TM9SF4: variants seen among roughly 807,000 people sequenced by gnomAD.
TM9SF4 encodes the protein transmembrane 9 superfamily member 4, also known as dinucleotide oxidase disulfide thiol exchanger 3 superfamily member 4.
TM9SF4 carries 26 observed loss-of-function variants against 90.4 expected under a neutral mutation model. The observed-to-expected ratio is 0.29, with a 90% CI of 0.21 to 0.40. The LOEUF is 0.40. Among genes scored for constraint, TM9SF4 ranks in the 10% least tolerant of loss-of-function variants. The probability of loss-of-function intolerance (pLI) is 1.00; values close to 1 mark genes in which losing one functional copy is unlikely to be tolerated. For synonymous variants in TM9SF4, 293 were observed against 315.4 expected, an observed-to-expected ratio of 0.93 and a Z score of 0.75; for missense variants, 549 against 834.8, an observed-to-expected ratio of 0.66 and a Z score of 4.22.
intron 1 of TM9SF4, among the ~76,000 whole-genome samples, chr20:32,131,524 C>T (rs931814208): frequency 6.9e-6 from 1 of 145,880 alleles, no homozygotes; most frequent in African/African-American, 2.7e-5. Context: ...TAGTTGGTTG[C>T]TTGGTTGGTT....
intron 1 of TM9SF4, among the ~76,000 whole-genome samples, chr20:32,121,958 G>T (rs1379302276): frequency 6.8e-6 from 1 of 147,360 alleles, no homozygotes; most frequent in Non-Finnish European, 1.5e-5. Flanking sequence ...CTCCCGGACG[G>T]GGCGGCTGGC....
Position 32,165,586 on chromosome 20 carries a change from C to G in TM9SF4, c.*142C>G. The G allele has an allele frequency of 1.0e-6, 1 of 956,832 alleles. No individual in the cohort carries two copies. The highest frequency in any genetic ancestry group is 1.5e-6 in the Non-Finnish European group (1 of 645,390). The allele number at this position is 956,832 out of a possible 1,614,324, so 59.3% of individuals were successfully genotyped here. ...ACAGTGTTCCTGGATCCTGGGGCTGCGTGGGGGGCGGGAGGGCCTGTAGAT... is the reference window on the plus strand; with the variant it reads ...ACAGTGTTCCTGGATCCTGGGGCTGGGTGGGGGGCGGGAGGGCCTGTAGAT... On this transcript the variant is annotated 3_prime_UTR_variant, in exon 18 of 18. Coordinates refer to ENST00000398022, the MANE Select transcript of TM9SF4 (RefSeq NM_014742.4).
At position 32,146,875 on chromosome 20, in the gene TM9SF4, G is replaced by A; in HGVS notation, c.954+20G>A. 1 of 1,611,902 alleles carries A rather than the reference G, an allele frequency of 6.2e-7. No homozygotes were observed. The highest frequency in any genetic ancestry group is 8.5e-7 in the Non-Finnish European group (1 of 1,178,926). ...GACATTGTACGAGGTCTTGGCTGGGGAGGGATGAAGTTGGATGGGGAGGGG... is the reference window on the plus strand; with the variant it reads ...GACATTGTACGAGGTCTTGGCTGGGAAGGGATGAAGTTGGATGGGGAGGGG... On this transcript the variant is annotated intron_variant, in intron 9 of 17. Coordinates refer to ENST00000398022, the MANE Select transcript of TM9SF4 (RefSeq NM_014742.4).
chr20:32,130,631 C>T (rs1415170114), intron 1 of TM9SF4, among the ~76,000 whole-genome samples: 3 of 152,160 alleles, frequency 2.0e-5, no homozygotes, highest in Non-Finnish European at 2.9e-5. Flanking sequence ...GGTAGGCTTT[C>T]CATCACTACT....
At chr20:32,149,438 G>A (rs150635339) in intron 9 of TM9SF4, among the ~76,000 whole-genome samples, 196 bp from the exon 10 acceptor site, 36 of 152,232 alleles carry the variant, frequency 2.4e-4, no homozygotes, top group African/African-American at 7.5e-4. Context: ...TTCCTTTTAC[G>A]CATCTACAGG....
intron 1 of TM9SF4, among the ~76,000 whole-genome samples, chr20:32,123,866 A>ATATATATATATATATATTT: frequency 2.1e-5 from 2 of 93,980 alleles, no homozygotes; most frequent in East Asian, 7.3e-4. Flanking sequence ...ATATATATAT[A>ATATATATATATATATATTT]TTTTTTTTTT....
intron 15 of TM9SF4, 105 bp downstream of exon 15, chr20:32,158,619 A>T: frequency 8.9e-7 from 1 of 1,127,294 alleles, no homozygotes; most frequent in South Asian, 1.3e-5. Context: ...CAGATGGGCC[A>T]CTTCACCTCT....
chr20:32,122,333 G>A (rs1405226809), intron 1 of TM9SF4, among the ~76,000 whole-genome samples: 1 of 151,530 alleles, frequency 6.6e-6, no homozygotes, highest in South Asian at 2.1e-4. Flanking sequence ...CCCGGACGGG[G>A]TGGCTGCCGG....
intron 1 of TM9SF4, among the ~76,000 whole-genome samples, chr20:32,113,491 CTT>C (rs532345266): frequency 8.7e-4 from 132 of 152,252 alleles, no homozygotes; most frequent in African/African-American, 2.6e-3. Context: ...ATGTCTCACT[CTT>C]TATGGAAAAC....
intron 12 of TM9SF4, among the ~76,000 whole-genome samples, chr20:32,153,136 CTT>C (rs1389640576): frequency 6.6e-6 from 1 of 152,210 alleles, no homozygotes; most frequent in African/African-American, 2.4e-5. Context: ...TGGTTGATAA[CTT>C]TCAACAGCCC....
intron 12 of TM9SF4, among the ~76,000 whole-genome samples, chr20:32,151,907 G>T (rs1028378559): frequency 2.6e-5 from 4 of 151,568 alleles, no homozygotes; most frequent in African/African-American, 9.7e-5. Context: ...TGTTGCCCAG[G>T]CTGGAGTGCA....
chr20:32,123,289 G>C lies in TM9SF4; in HGVS notation c.16-9724G>C, dbSNP rs188393575. ...TTATGTTGGCAGTACTTCAGTAACAGTTCTACCTTCTATGTAAGTATATAT... is the reference window on the plus strand; with the variant it reads ...TTATGTTGGCAGTACTTCAGTAACACTTCTACCTTCTATGTAAGTATATAT... On this transcript the variant is annotated intron_variant, in intron 1 of 17. Transcript: ENST00000398022. Among the ~76,000 whole-genome samples, 41 of 143,342 alleles carry C rather than the reference G, an allele frequency of 2.9e-4. No individual in the cohort carries two copies. In the East Asian group the frequency reaches 8.3e-3, roughly 29 times the overall value. 94.0% of individuals were successfully genotyped at this position (143,342 alleles called of 152,430 possible).
intron 15 of TM9SF4, among the ~76,000 whole-genome samples, chr20:32,158,803 A>G (rs1437104575): frequency 2.6e-5 from 4 of 152,080 alleles, no homozygotes; most frequent in Non-Finnish European, 4.4e-5. Flanking sequence ...CAATATGGTG[A>G]AACCCTGTCT....
At chr20:32,130,863 C>A (rs1008179181) in intron 1 of TM9SF4, among the ~76,000 whole-genome samples, 2 of 152,164 alleles carry the variant, frequency 1.3e-5, no homozygotes, top group Non-Finnish European at 2.9e-5. Flanking sequence ...AAAAAATGTT[C>A]ACGCTAGTTG....
At chr20:32,130,357 C>T (rs1390831072) in intron 1 of TM9SF4, among the ~76,000 whole-genome samples, 2 of 152,078 alleles carry the variant, frequency 1.3e-5, no homozygotes, top group Non-Finnish European at 2.9e-5. Flanking sequence ...TTTTTAACAA[C>T]TTTTGGGTGG....
At chr20:32,126,876 C>T (rs144419480) in intron 1 of TM9SF4, among the ~76,000 whole-genome samples, 13 of 152,258 alleles carry the variant, frequency 8.5e-5, no homozygotes, top group African/African-American at 2.4e-4. Flanking sequence ...GCTGGGATTA[C>T]AGGCGCCTGC....
chr20:32,130,889 A>C (rs2046500092), intron 1 of TM9SF4, among the ~76,000 whole-genome samples: 1 of 152,142 alleles, frequency 6.6e-6, no homozygotes. Context: ...AAAAAGCCTT[A>C]CTCGCTTATG....
rs542821514 is a variant in TM9SF4 at position 32,165,804 on chromosome 20, G to A, written c.*360G>A. ...TGGATCCAGGATGGATAAATCCACC[G>A]AGATAAGGGTTTTGGTCACTGTCTC... On this transcript the variant is annotated 3_prime_UTR_variant, in exon 18 of 18. Transcript: ENST00000398022. 4 of 230,452 alleles carry A rather than the reference G, an allele frequency of 1.7e-5. No individual in the cohort carries two copies. The highest frequency in any genetic ancestry group is 4.5e-5 in the African/African-American group (2 of 44,344). The allele number at this position is 230,452 out of a possible 1,614,324, so 14.3% of individuals were successfully genotyped here.
intron 6 of TM9SF4, among the ~76,000 whole-genome samples, chr20:32,143,764 A>G (rs6121360): frequency 0.097 from 14,747 of 151,708 alleles, 1,490 homozygotes; most frequent in African/African-American, 0.25. Flanking sequence ...TTAGTGTTCA[A>G]ACAAAATTAG....
Sources: allele counts gnomAD v4.1 joint callset (sites outside exome capture counted in the v4.1 genomes callset), GRCh38; gene constraint gnomAD v4.1.1; transcripts MANE v1.5; gene names NCBI Gene and HGNC (gene_info 2026-07-23, HGNC 2026-07-21).